Variants in C3orf33 observed in about 807,000 individuals in gnomAD.
The protein encoded by C3orf33 is mitochondrial inner membrane subdomain organizer 1.
C3orf33 carries 23 observed loss-of-function variants against 28.7 expected under a neutral mutation model. That is an observed-to-expected ratio of 0.80 (90% CI 0.58 to 1.13). C3orf33 has a LOEUF of 1.13. Ranked by LOEUF, C3orf33 falls within the 50% of genes most tolerant of loss-of-function variation. The pLI is 0.00. For synonymous variants in C3orf33, 119 were observed against 120.5 expected (o/e 0.99, Z 0.08); for missense variants, 327 against 353.4 (o/e 0.93, Z 0.60).
At position 155,806,221 on chromosome 3, in the gene C3orf33, G is replaced by C. The variant is rs1751807742; in HGVS notation, c.32C>G (p.Pro11Arg). MAGQPAATGS[P>R]SADKDGMEPN... is the part of the protein sequence containing the mutation. ...CTCCATTCCGTCCTTGTCGGCAGACGGCGAGCCGGTGGCCGCGGGCTGCCC... is the reference window on the plus strand; with the variant it reads ...CTCCATTCCGTCCTTGTCGGCAGACCGCGAGCCGGTGGCCGCGGGCTGCCC... Residue 11 changes from proline (P) to arginine (R), a missense_variant, in exon 1 of 5, where the codon CCG (proline) becomes CGG (arginine). By Grantham distance (103) the Pro-to-Arg change is moderately radical (BLOSUM62 -2). Coordinates refer to ENST00000340171, the MANE Select transcript of C3orf33 (RefSeq NM_001308229.2). The C allele has an allele frequency of 2.0e-6, 3 of 1,484,504 alleles. No homozygotes were observed. The highest frequency in any genetic ancestry group is 2.7e-6 in the Non-Finnish European group (3 of 1,117,108). 92.0% of individuals were successfully genotyped at this position (1,484,504 alleles called of 1,614,324 possible). A position where few individuals can be genotyped will look rare whatever the true frequency, so the allele number is the denominator to read the frequency against.
At chr3:155,783,262 C>T (rs1274885104) in intron 2 of C3orf33, among the ~76,000 whole-genome samples, 1 of 151,252 alleles carries the variant, frequency 6.6e-6, no homozygotes, top group Non-Finnish European at 1.5e-5. Context: ...TCAAGCAGTT[C>T]TCCTGCCTCA....
At chr3:155,766,482 A>G (rs905051006) in intron 4 of C3orf33, among the ~76,000 whole-genome samples, 2 of 152,224 alleles carry the variant, frequency 1.3e-5, no homozygotes, top group African/African-American at 4.8e-5. Flanking sequence ...ACCTATCAAC[A>G]ACATATTGGA....
intron 2 of C3orf33, among the ~76,000 whole-genome samples, chr3:155,778,271 C>T (rs1295438658): frequency 6.6e-6 from 1 of 151,410 alleles, no homozygotes; most frequent in Non-Finnish European, 1.5e-5. Context: ...CAATAAAGGA[C>T]CTTTTTTAGA....
chr3:155,771,221 T>A (rs570552848), intron 3 of C3orf33, among the ~76,000 whole-genome samples: 24 of 152,134 alleles, frequency 1.6e-4, no homozygotes, highest in Admixed American at 1.6e-3. Flanking sequence ...TCCTCCCATA[T>A]CAGCCTCGCA....
intron 4 of C3orf33, 111 bp downstream of exon 4, chr3:155,767,398 G>T: frequency 1.3e-6 from 1 of 757,918 alleles, no homozygotes; most frequent in Non-Finnish European, 1.8e-6. Context: ...CAGTTTAAAA[G>T]GCAAAAAAAA....
At chr3:155,793,809 C>CAAAAAAAAAAAAAAAAA (rs1176317323) in intron 2 of C3orf33, among the ~76,000 whole-genome samples, 1 of 37,408 alleles carries the variant, frequency 2.7e-5, no homozygotes, top group Non-Finnish European at 6.2e-5. Flanking sequence ...GACTCTGACT[C>CAAAAAAAAAAAAAAAAA]AAAAAAAAAA....
chr3:155,806,189 C>G lies in C3orf33; in HGVS notation c.64G>C (p.Val22Leu). 1 of 1,503,462 alleles carries G rather than the reference C, an allele frequency of 6.7e-7. No individual in the cohort carries two copies. The highest frequency in any genetic ancestry group is 8.9e-7 in the Non-Finnish European group (1 of 1,127,704). The allele number at this position is 1,503,462 out of a possible 1,614,324, so 93.1% of individuals were successfully genotyped here. A position where few individuals can be genotyped will look rare whatever the true frequency, so the allele number is the denominator to read the frequency against. ...GCCCACTGCGAGATCCGAGCCACGACGTTGGGCTCCATTCCGTCCTTGTCG... is the reference window on the plus strand; with the variant it reads ...GCCCACTGCGAGATCCGAGCCACGAGGTTGGGCTCCATTCCGTCCTTGTCG... The part of the protein sequence containing the change: ...SADKDGMEPN[V>L]VARISQWADD... The change falls in exon 1 of 5, where the codon GTC becomes CTC. Residue 22 changes from valine (V) to leucine (L), a missense_variant. Transcript: ENST00000340171.
intron 3 of C3orf33, among the ~76,000 whole-genome samples, chr3:155,773,444 T>C (rs1261677482): frequency 6.6e-6 from 1 of 152,210 alleles, no homozygotes; most frequent in Admixed American, 6.5e-5. Context: ...AACTAAGTGA[T>C]GGAAAATCTG....
At chr3:155,768,733 C>G (rs1577411403) in intron 3 of C3orf33, among the ~76,000 whole-genome samples, 1 of 152,144 alleles carries the variant, frequency 6.6e-6, no homozygotes, top group South Asian at 2.1e-4. Flanking sequence ...TATCCTAGAA[C>G]ACTGTTATAT....
At chr3:155,764,774 T>C (rs1359562241) in intron 4 of C3orf33, among the ~76,000 whole-genome samples, 1 of 151,974 alleles carries the variant, frequency 6.6e-6, no homozygotes, top group Non-Finnish European at 1.5e-5. Flanking sequence ...GAGAATTGCT[T>C]GAACCCAGGA....
intron 2 of C3orf33, among the ~76,000 whole-genome samples, chr3:155,783,471 T>TTTTG (rs948621729): frequency 2.0e-5 from 3 of 150,926 alleles, no homozygotes; most frequent in Non-Finnish European, 4.4e-5. Context: ...TACTACATTT[T>TTTTG]TTTTTTTTTT....
At chr3:155,766,082 A>C (rs1380600505) in intron 4 of C3orf33, among the ~76,000 whole-genome samples, 1 of 152,204 alleles carries the variant, frequency 6.6e-6, no homozygotes, top group East Asian at 1.9e-4. Flanking sequence ...AGGTTGGAGT[A>C]CATTGGTGCG....
intron 2 of C3orf33, among the ~76,000 whole-genome samples, chr3:155,790,673 T>C (rs1030428094): frequency 4.6e-5 from 7 of 152,048 alleles, no homozygotes; most frequent in Non-Finnish European, 7.4e-5. Context: ...GGAGAGTACA[T>C]TGATTATGGG....
At chr3:155,784,119 T>C (rs1412052815) in intron 2 of C3orf33, among the ~76,000 whole-genome samples, 2 of 151,742 alleles carry the variant, frequency 1.3e-5, no homozygotes, top group Non-Finnish European at 2.9e-5. Context: ...TTAGTAGAGA[T>C]GGGTTTCTCC....
intron 2 of C3orf33, among the ~76,000 whole-genome samples, chr3:155,790,720 G>A (rs930058874): frequency 6.6e-6 from 1 of 152,120 alleles, no homozygotes; most frequent in Non-Finnish European, 1.5e-5. Context: ...TGTTACAGCA[G>A]AAAGCAACAT....
intron 2 of C3orf33, among the ~76,000 whole-genome samples, chr3:155,786,040 A>G (rs952371792): frequency 6.7e-6 from 1 of 150,356 alleles, no homozygotes; most frequent in Non-Finnish European, 1.5e-5. Flanking sequence ...AGGGAAAGGA[A>G]AGGAAAAAGG....
chr3:155,797,237 A>G (rs1216790206), intron 2 of C3orf33, among the ~76,000 whole-genome samples: 1 of 152,196 alleles, frequency 6.6e-6, no homozygotes, highest in Non-Finnish European at 1.5e-5. Flanking sequence ...ATGCTGAAAA[A>G]GCATTGGATA....
At position 155,764,624 on chromosome 3, in the gene C3orf33, G is replaced by A. The variant is rs149193257; in HGVS notation, c.484-706C>T. On this transcript the variant is annotated intron_variant, in intron 4 of 4. Transcript: ENST00000340171. The stretch of plus-strand genomic sequence containing the variant: ...TCCTAACACTTTGGGAGGCCGAGGC[G>A]GGCAGATCACAAGGTCAGGAGTTCG... Among the ~76,000 whole-genome samples the A allele has an allele frequency of 2.1e-3, 323 of 151,688 alleles. 1 individual carries two copies. The highest frequency in any genetic ancestry group is 7.6e-3 in the African/African-American group (313 of 41,406).
rs1751679495 is a variant in C3orf33 at position 155,802,543 on chromosome 3, T to G, written c.163A>C (p.Ser55Arg). ...AIAGIMLLLR[S>R]IRLTSKFTSS... ...ATTTTTTAACTTACCAGTCGAATGC[T>G]TCTCAAAAGTAACATTATTCCAGCT... The change falls in exon 2 of 5, where the codon AGC becomes CGC. Residue 55 changes from serine (S) to arginine (R), a missense_variant. Physicochemically the swap from Ser to Arg is moderately radical, Grantham distance 110. Coordinates refer to ENST00000340171, the MANE Select transcript of C3orf33 (RefSeq NM_001308229.2). 1 of 1,602,628 alleles carries G rather than the reference T, an allele frequency of 6.2e-7. No homozygotes were observed. Among genetic ancestry groups the G allele is most frequent in the Non-Finnish European group, 8.5e-7 (1 of 1,176,834 alleles).
Sources: gnomAD v4.1 joint callset for allele counts (sites outside exome capture counted in the v4.1 genomes callset) on GRCh38, gnomAD v4.1.1 for gene constraint, MANE v1.5 for transcripts, NCBI Gene and HGNC (gene_info 2026-07-23, HGNC 2026-07-21) for gene names.